Variants in SENP6 observed in about 807,000 individuals in gnomAD.
The protein encoded by SENP6 is SUMO specific peptidase 6, also known as sentrin-specific protease 6.
SENP6 carries 41 observed loss-of-function variants against 134.5 expected under a neutral mutation model. The ratio of observed to expected loss-of-function variants is 0.30; its 90% CI spans 0.24 to 0.40. The LOEUF (loss-of-function observed/expected upper bound fraction) is 0.40, where lower values mean the gene tolerates loss of function less well. Among genes scored for constraint, SENP6 ranks in the 10% least tolerant of loss-of-function variants. The pLI is 1.00. For missense variants in SENP6, 1,248 were observed against 1,312.5 expected (o/e 0.95, Z 0.76); for synonymous variants, 395 against 429.8 (o/e 0.92, Z 1.00).
chr6:75,680,507 G>A (rs1773391934), intron 16 of SENP6, among the ~76,000 whole-genome samples: 1 of 152,080 alleles, frequency 6.6e-6, no homozygotes, highest in South Asian at 2.1e-4. Context: ...GAGATAGACC[G>A]GGAATAAAAA....
chr6:75,606,035 T>G (rs766470383), intron 1 of SENP6, among the ~76,000 whole-genome samples: 4 of 152,156 alleles, frequency 2.6e-5, no homozygotes, highest in Non-Finnish European at 5.9e-5. Context: ...AAGGTTTTGT[T>G]TAGCCTGAGG....
chr6:75,704,485 T>G (rs1021497997), intron 19 of SENP6, among the ~76,000 whole-genome samples: 1 of 152,224 alleles, frequency 6.6e-6, no homozygotes, highest in Non-Finnish European at 1.5e-5. Context: ...CCAACATGTC[T>G]CGCCTCCTGC....
chr6:75,663,623 G>A (rs545054828), intron 9 of SENP6, 105 bp downstream of exon 9: 74 of 866,432 alleles, frequency 8.5e-5, no homozygotes, highest in Middle Eastern at 3.6e-4. Flanking sequence ...TAATATAAAT[G>A]TGAGCTTAAA....
At chr6:75,623,525 C>G (rs1330371277) in intron 2 of SENP6, among the ~76,000 whole-genome samples, 1 of 151,954 alleles carries the variant, frequency 6.6e-6, no homozygotes, top group Non-Finnish European at 1.5e-5. Context: ...ATCTTTCTAC[C>G]CTTAATTTTC....
chr6:75,622,806 T>G (rs1768376606), intron 2 of SENP6: 2 of 1,289,032 alleles, frequency 1.6e-6, no homozygotes, highest in African/African-American at 3.0e-5. Context: ...TTTATGTGCC[T>G]TCACCGATGA....
intron 7 of SENP6, among the ~76,000 whole-genome samples, chr6:75,657,844 G>A (rs545223803): frequency 1.3e-5 from 2 of 152,248 alleles, no homozygotes; most frequent in South Asian, 4.1e-4. Flanking sequence ...AGCTTCACTT[G>A]TGAAAAGAAC....
chr6:75,621,920 TA>T, intron 2 of SENP6, among the ~76,000 whole-genome samples: 1 of 152,344 alleles, frequency 6.6e-6, no homozygotes, highest in African/African-American at 2.4e-5. Flanking sequence ...TTTTGTTTTT[TA>T]AAAAGGCATT....
rs778324052 is a variant in SENP6, at chr6:75,678,663, C to T, written c.1929C>T (p.Asn643=). Residue 643 remains asparagine (N), a synonymous_variant, in exon 15 of 24, where the codon AAC becomes AAT. Transcript: ENST00000447266. ...FFDEEEETGE[N]HTIFIGPVEK... ...ATGAAGAAGAAGAAACTGGAGAAAACCACACCATCTTCATTGGCCCAGTAG... is the reference window on the plus strand; with the variant it reads ...ATGAAGAAGAAGAAACTGGAGAAAATCACACCATCTTCATTGGCCCAGTAG... 6.2e-7 allele frequency: 1 copy of T among 1,600,976 alleles called. No individual in the cohort carries two copies. Among genetic ancestry groups the T allele is most frequent in the South Asian group, 1.1e-5 (1 of 89,380 alleles).
chr6:75,637,741 T>C (rs773952477), intron 5 of SENP6, among the ~76,000 whole-genome samples: 1 of 152,132 alleles, frequency 6.6e-6, no homozygotes, highest in Non-Finnish European at 1.5e-5. Flanking sequence ...TTTTAAGTCT[T>C]CCCCCGCAAC....
chr6:75,614,293 T>C (rs1767687278), intron 1 of SENP6, among the ~76,000 whole-genome samples: 1 of 148,604 alleles, frequency 6.7e-6, no homozygotes, highest in Non-Finnish European at 1.5e-5. Flanking sequence ...TGAGACAGAG[T>C]CTGGCTCTGT....
intron 1 of SENP6, among the ~76,000 whole-genome samples, chr6:75,619,992 C>T (rs1428874589): frequency 6.7e-6 from 1 of 150,296 alleles, no homozygotes; most frequent in Non-Finnish European, 1.5e-5. Context: ...ACTCCATAGG[C>T]TGAGGCGGGA....
Position 75,677,169 on chromosome 6 carries a change from A to T in SENP6, c.1761A>T (p.Glu587Asp), listed in dbSNP as rs1485846892. 1 of 1,612,674 alleles carries T rather than the reference A, an allele frequency of 6.2e-7. No individual in the cohort carries two copies. Among genetic ancestry groups the T allele is most frequent in the Non-Finnish European group, 8.5e-7 (1 of 1,179,230 alleles). The change falls in exon 14 of 24, where the codon GAA becomes GAT. Residue 587 changes from glutamate to aspartate, a missense_variant. Glu to Asp is a conservative substitution (Grantham distance 45). Around this residue, in one of 3 missense-constraint regions of SENP6, gnomAD observed 733 missense variants for 725.4 expected, o/e 1.01. Coordinates refer to ENST00000447266, the MANE Select transcript of SENP6 (RefSeq NM_015571.4). ...TTTTTGCGAAAATTCCCTTTGAAGA[A>T]GCTAATGGCAGACTTGTTGCCTGTA... is the stretch of plus-strand genomic sequence containing the variant. The part of the protein sequence containing the change: ...SNFFAKIPFE[E>D]ANGRLVACTR...
chr6:75,643,654 G>A (rs1461068742), intron 6 of SENP6, among the ~76,000 whole-genome samples: 2 of 152,146 alleles, frequency 1.3e-5, no homozygotes, highest in South Asian at 2.1e-4. Context: ...CCTGGGAGGC[G>A]AAGGTTGCAG....
intron 7 of SENP6, among the ~76,000 whole-genome samples, chr6:75,655,945 G>A (rs879429120): frequency 6.6e-5 from 10 of 152,102 alleles, no homozygotes; most frequent in African/African-American, 9.7e-5. Flanking sequence ...TAGGCTGGGC[G>A]TGGTGGTTCA....
intron 6 of SENP6, 143 bp from the exon 7 acceptor site, chr6:75,647,588 T>C: frequency 2.2e-6 from 1 of 449,330 alleles, no homozygotes; most frequent in Non-Finnish European, 4.0e-6. Context: ...TGGTATAGTT[T>C]TGTTATTTTA....
chr6:75,691,973 C>T (rs1774307801), intron 16 of SENP6, among the ~76,000 whole-genome samples: 1 of 152,172 alleles, frequency 6.6e-6, no homozygotes, highest in African/African-American at 2.4e-5. Context: ...TCTCCTGCCT[C>T]AGCCTCCTGA....
At chr6:75,631,791 G>T (rs1419227316) in intron 3 of SENP6, among the ~76,000 whole-genome samples, 1 of 152,182 alleles carries the variant, frequency 6.6e-6, no homozygotes, top group Non-Finnish European at 1.5e-5. Flanking sequence ...GAAAAAGTTT[G>T]CTGATCCCTG....
chr6:75,714,548 A>G (rs956451618), intron 23 of SENP6, among the ~76,000 whole-genome samples: 3 of 152,222 alleles, frequency 2.0e-5, no homozygotes, highest in Admixed American at 6.5e-5. Flanking sequence ...TCCCAAAAAC[A>G]TAAATCTAAT....
At chr6:75,604,835 G>T (rs1766910144) in intron 1 of SENP6, among the ~76,000 whole-genome samples, 1 of 152,126 alleles carries the variant, frequency 6.6e-6, no homozygotes. Context: ...CAATTTGGGA[G>T]GCCGAGATGA....
Sources: gnomAD v4.1 joint callset for allele counts (sites outside exome capture counted in the v4.1 genomes callset) on GRCh38, gnomAD v4.1.1 for gene constraint, gnomAD v4.1.1 regional missense constraint, MANE v1.5 for transcripts, NCBI Gene and HGNC (gene_info 2026-07-23, HGNC 2026-07-21) for gene names.